Variants in MXI1 observed in about 807,000 individuals in gnomAD.
MXI1 encodes MAX interactor 1, dimerization protein.
A neutral mutation model predicts 36.9 loss-of-function variants in MXI1; 18 were observed. The observed-to-expected ratio is 0.49, with a 90% confidence interval of 0.34 to 0.72. MXI1 has a LOEUF of 0.72. Ranked by LOEUF, MXI1 falls within the 30% of genes least tolerant of loss-of-function variation. The pLI is 0.01. For synonymous variants in MXI1, 160 were observed against 146.7 expected, an observed-to-expected ratio of 1.09 and a Z score of -0.65; for missense variants, 304 against 379.1, an observed-to-expected ratio of 0.80 and a Z score of 1.64.
At chr10:110,266,921 C>T (rs1396416372) in intron 3 of MXI1, among the ~76,000 whole-genome samples, 1 of 152,090 alleles carries the variant, frequency 6.6e-6, no homozygotes, top group Non-Finnish European at 1.5e-5. Flanking sequence ...GGATTTTATG[C>T]CATTACAGAA....
chr10:110,208,724 G>T (rs1041576306), intron 1 of MXI1: 1 of 149,360 alleles, frequency 6.7e-6, no homozygotes, highest in Non-Finnish European at 1.5e-5. Flanking sequence ...GTCCGTTGCC[G>T]TGGGGTGCCA....
chr10:110,226,889 C>A, intron 1 of MXI1, among the ~76,000 whole-genome samples: 1 of 5,000 alleles, frequency 2.0e-4, no homozygotes, highest in Admixed American at 2.7e-3. Flanking sequence ...GGGAGGGGTG[C>A]GCGCGTGTGA....
At position 110,228,322 on chromosome 10, in the gene MXI1, G is replaced by A. The variant is rs1434992709; in HGVS notation, c.407+1G>A. The A allele has an allele frequency of 6.2e-7, 1 of 1,614,118 alleles. No individual in the cohort carries two copies. Among genetic ancestry groups the A allele is most frequent in the Middle Eastern group, 1.6e-4 (1 of 6,062 alleles). On this transcript the variant is annotated splice_donor_variant, in intron 2 of 5. Transcript: ENST00000332674. LOFTEE classifies it high-confidence loss of function. ...GCAGCAACACCAGCACTGCCAACAG[G>A]TAGCAAGCTGGGAACGCTTAGAAGA...
chr10:110,259,219 C>G (rs1856421104), intron 3 of MXI1, among the ~76,000 whole-genome samples: 1 of 151,990 alleles, frequency 6.6e-6, no homozygotes, highest in South Asian at 2.1e-4. Context: ...CAATTCTTCT[C>G]AAACTATGAA....
chr10:110,236,363 A>C (rs2134374996), intron 2 of MXI1, among the ~76,000 whole-genome samples: 1 of 152,072 alleles, frequency 6.6e-6, no homozygotes, highest in Non-Finnish European at 1.5e-5. Flanking sequence ...AGTTTTTCAA[A>C]AAGTTATGAA....
At chr10:110,229,785 T>C (rs755552775) in intron 2 of MXI1, among the ~76,000 whole-genome samples, 38 of 152,296 alleles carry the variant, frequency 2.5e-4, no homozygotes, top group African/African-American at 9.1e-4. Flanking sequence ...GGTTTCAGTG[T>C]TTAAGCTATC....
chr10:110,233,436 T>C (rs1855342875), intron 2 of MXI1, among the ~76,000 whole-genome samples: 1 of 152,134 alleles, frequency 6.6e-6, no homozygotes, highest in Non-Finnish European at 1.5e-5. Context: ...TTATCTTCTC[T>C]TTATTCTACG....
At chr10:110,262,927 ACT>A (rs1029803870) in intron 3 of MXI1, among the ~76,000 whole-genome samples, 1 of 152,084 alleles carries the variant, frequency 6.6e-6, no homozygotes, top group Admixed American at 6.5e-5. Context: ...TCTCAGATTC[ACT>A]GTTTGTGTCA....
intron 5 of MXI1, among the ~76,000 whole-genome samples, chr10:110,282,047 G>T (rs1857269406): frequency 6.6e-6 from 1 of 151,750 alleles, no homozygotes; most frequent in African/African-American, 2.4e-5. Context: ...TCAACTTTTC[G>T]GTTATCCTGA....
intron 3 of MXI1, among the ~76,000 whole-genome samples, chr10:110,255,373 G>A (rs765821494): frequency 3.3e-5 from 5 of 152,278 alleles, no homozygotes; most frequent in South Asian, 2.1e-4. Context: ...TGATGGAGAT[G>A]TACAAGGATA....
intron 1 of MXI1, chr10:110,227,444 C>A (rs968134286): frequency 2.0e-6 from 2 of 986,950 alleles, no homozygotes; most frequent in Non-Finnish European, 2.4e-6. Context: ...GTGCGGCGAG[C>A]GGGAAGGAGA....
chr10:110,278,072 T>C (rs1857100347), intron 3 of MXI1, among the ~76,000 whole-genome samples: 1 of 152,242 alleles, frequency 6.6e-6, no homozygotes, highest in African/African-American at 2.4e-5. Flanking sequence ...CTTTAAGGAC[T>C]AGGGGTAAAC....
Position 110,280,017 on chromosome 10 carries a change from A to C in MXI1, c.656A>C (p.Glu219Ala), listed in dbSNP as rs137852603. 6.2e-7 allele frequency: 1 copy of C among 1,610,314 alleles called. No individual in the cohort carries two copies. The highest frequency in any genetic ancestry group is 1.1e-5 in the South Asian group (1 of 90,688). Reference sequence around the variant, plus strand: ...CTGGAACAGCTGCAGGGTCCTCAGGAGATGGAACGAATACGAATGGACAGC... The same window carrying C: ...CTGGAACAGCTGCAGGGTCCTCAGGCGATGGAACGAATACGAATGGACAGC... ...WRLEQLQGPQEMERIRMDSIG... is the reference protein window; with the variant it reads ...WRLEQLQGPQAMERIRMDSIG... The change falls in exon 5 of 6, where the codon GAG becomes GCG. Residue 219 changes from glutamate (E) to alanine (A), a missense_variant. Physicochemically the swap from Glu to Ala is moderately radical, Grantham distance 107. Coordinates refer to ENST00000332674, the MANE Select transcript of MXI1 (RefSeq NM_130439.3).
chr10:110,219,228 A>T (rs7906965), intron 1 of MXI1, among the ~76,000 whole-genome samples: 6,773 of 152,270 alleles, frequency 0.044, 427 homozygotes, highest in East Asian at 0.28. Flanking sequence ...TGAACCTGAG[A>T]GGCGGAGCTT....
chr10:110,236,675 G>A (rs192443804), intron 2 of MXI1, among the ~76,000 whole-genome samples: 2 of 152,222 alleles, frequency 1.3e-5, no homozygotes, highest in Non-Finnish European at 2.9e-5. Context: ...TGCCCAGGCT[G>A]GTCTTGAACT....
At chr10:110,271,091 C>CAAA (rs10683812) in intron 3 of MXI1, among the ~76,000 whole-genome samples, 59 of 130,422 alleles carry the variant, frequency 4.5e-4, no homozygotes, top group Admixed American at 7.1e-4. Context: ...AACTACGTCT[C>CAAA]AAAAAAAAAA....
intron 3 of MXI1, among the ~76,000 whole-genome samples, chr10:110,256,840 GATA>G (rs981669091): frequency 3.3e-5 from 5 of 152,132 alleles, no homozygotes; most frequent in African/African-American, 1.2e-4. Flanking sequence ...CTTAAAAACT[GATA>G]ATGTCATCAT....
chr10:110,217,204 A>G (rs1279010993), intron 1 of MXI1, among the ~76,000 whole-genome samples: 1 of 152,158 alleles, frequency 6.6e-6, no homozygotes, highest in Admixed American at 6.5e-5. Context: ...ATCCAACTCC[A>G]GTGTCTGTAA....
intron 3 of MXI1, among the ~76,000 whole-genome samples, chr10:110,247,585 A>AGTTTC (rs1445137201): frequency 5.9e-5 from 9 of 152,178 alleles, no homozygotes; most frequent in African/African-American, 1.7e-4. Context: ...GAAGGGATCC[A>AGTTTC]GTTTCAGCTT....
Sources: allele counts gnomAD v4.1 joint callset (sites outside exome capture counted in the v4.1 genomes callset), GRCh38; gene constraint gnomAD v4.1.1; transcripts MANE v1.5; gene names NCBI Gene and HGNC (gene_info 2026-07-23, HGNC 2026-07-21).